The following ATF6B variants were observed in gnomAD, a reference collection of about 807,000 sequenced individuals.
The protein encoded by ATF6B is activating transcription factor 6 beta, also known as cyclic AMP-dependent transcription factor ATF-6 beta.
In ATF6B, 50 loss-of-function variants were observed where a neutral mutation model predicts 83.5. The ratio of observed to expected loss-of-function variants is 0.60; its 90% CI spans 0.48 to 0.76. The LOEUF (loss-of-function observed/expected upper bound fraction) is 0.76. ATF6B is among the 30% of genes least tolerant of loss of function. The pLI, the probability that ATF6B is intolerant of heterozygous loss-of-function variation, is 0.00. For synonymous variants in ATF6B, 344 were observed against 362.8 expected, an observed-to-expected ratio of 0.95 and a Z score of 0.59; for missense variants, 790 against 893.8, an observed-to-expected ratio of 0.88 and a Z score of 1.48.
At position 32,121,024 on chromosome 6, in the gene ATF6B, T is replaced by C; in HGVS notation, c.665A>G (p.Gln222Arg). The C allele has an allele frequency of 6.5e-7, 1 of 1,542,090 alleles. No individual in the cohort carries two copies. The highest frequency in any genetic ancestry group is 1.3e-5 in the South Asian group (1 of 78,060). The part of the protein sequence containing the change: ...DVPAPSLGAV[Q>R]ISMGPSLDGS... ...ATCAAGGGATGGGCCCATGCTGATC[T>C]GGACAGCTCCAAGTGAGGGGGCTGG... The change falls in exon 7 of 18, where the codon CAG (glutamine) becomes CGG (arginine). Residue 222 changes from glutamine to arginine, a missense_variant. Around this residue, in one of 3 missense-constraint regions of ATF6B, gnomAD observed 530 missense variants for 632.6 expected, o/e 0.84. Transcript: ENST00000375203.
chr6:32,118,715 C>T lies in ATF6B; in HGVS notation c.1244+60G>A. 2 of 1,548,692 alleles carry T rather than the reference C, an allele frequency of 1.3e-6. No homozygotes were observed. Among genetic ancestry groups the T allele is most frequent in the Admixed American group, 1.7e-5 (1 of 59,212 alleles). On this transcript the variant is annotated intron_variant, in intron 11 of 17. Coordinates refer to ENST00000375203, the MANE Select transcript of ATF6B (RefSeq NM_004381.5). The surrounding 1 kb of genome is among the most constrained non-coding windows in gnomAD (Gnocchi z 5.2). Reference sequence around the variant, plus strand: ...AAATGGCCTGGGCCAAAGCAGGCAGCTAGGAGGCTGTAACGTGGGCTCCAC... The same window carrying T: ...AAATGGCCTGGGCCAAAGCAGGCAGTTAGGAGGCTGTAACGTGGGCTCCAC...
intron 5 of ATF6B, among the ~76,000 whole-genome samples, chr6:32,123,597 C>A (rs1224582376): frequency 2.6e-5 from 4 of 152,118 alleles, no homozygotes; most frequent in Admixed American, 2.6e-4. Flanking sequence ...ACTGTGTTAG[C>A]CCGAATGGTC....
At chr6:32,128,049 C>T in intron 1 of ATF6B, 68 bp downstream of exon 1, 1 of 1,578,742 alleles carries the variant, frequency 6.3e-7, no homozygotes, top group Non-Finnish European at 8.7e-7. Flanking sequence ...CCTCTTTAGG[C>T]CCCCGCTTCT....
At position 32,127,537 on chromosome 6, in the gene ATF6B, A is replaced by G; in HGVS notation, c.172-17T>C. 1 of 1,612,310 alleles carries G rather than the reference A, an allele frequency of 6.2e-7. No homozygotes were observed. On this transcript the variant is annotated splice_polypyrimidine_tract_variant and intron_variant, in intron 2 of 17. Transcript: ENST00000375203. ...GCCGTCAAACTAAATAAGGGAGGAT[A>G]CAAGAGGGCAGGAGTGTGAGAAAGG...
In ATF6B at chr6:32,116,628, TACTCTACATCCCCCC is replaced by T; in HGVS notation, c.1797+61_1798-65del. 6.2e-7 allele frequency: 1 copy of T among 1,603,820 alleles called. No homozygotes were observed. The highest frequency in any genetic ancestry group is 1.1e-5 in the South Asian group (1 of 90,680). On this transcript the variant is annotated intron_variant, in intron 16 of 17. Transcript: ENST00000375203. This position sits in a 1 kb window ranked among gnomAD's most constrained non-coding sequence, Gnocchi z 5.1. ...AAGATGCCAACAAGCTCCCCAGCCC[TACTCTACATCCCCCC>T]ACTGAAGACAGACTGCTGGGAACCT...
Position 32,119,652 on chromosome 6 carries a change from T to A in ATF6B, c.966+172A>T, listed in dbSNP as rs754877926. Among the ~76,000 whole-genome samples, 1 of 152,070 alleles carries A rather than the reference T, an allele frequency of 6.6e-6. No homozygotes were observed. Among genetic ancestry groups the A allele is most frequent in the Non-Finnish European group, 1.5e-5 (1 of 68,006 alleles). Reference sequence around the variant, plus strand: ...ACCCTAAAACTACCTGGAGTTGATATTCATATAGAAACAGGAGTCCATTCT... The same window carrying A: ...ACCCTAAAACTACCTGGAGTTGATAATCATATAGAAACAGGAGTCCATTCT... On this transcript the variant is annotated intron_variant, in intron 9 of 17. Coordinates refer to ENST00000375203, the MANE Select transcript of ATF6B (RefSeq NM_004381.5). The surrounding 1 kb of genome is among the most constrained non-coding windows in gnomAD (Gnocchi z 4.9).
Position 32,128,102 on chromosome 6 carries a change from T to C in ATF6B, c.91+15A>G. ...GACAGTTTGCCACAGCCCTCTCCCC[T>C]CCCCGGTGCCTCACTCTGCAGACCC... On this transcript the variant is annotated intron_variant, in intron 1 of 17. Coordinates refer to ENST00000375203, the MANE Select transcript of ATF6B (RefSeq NM_004381.5). 1 of 1,611,600 alleles carries C rather than the reference T, an allele frequency of 6.2e-7. No individual in the cohort carries two copies. Among genetic ancestry groups the C allele is most frequent in the Non-Finnish European group, 8.5e-7 (1 of 1,179,698 alleles).
At chr6:32,127,906 C>A in intron 1 of ATF6B, 156 bp from the exon 2 acceptor site, 1 of 1,012,426 alleles carries the variant, frequency 9.9e-7, no homozygotes, top group East Asian at 2.6e-5. Flanking sequence ...GCCCCTCCTT[C>A]CCCGACCCCG....
In ATF6B at chr6:32,123,894, G is replaced by A. The variant is rs547349227; in HGVS notation, c.478+2223C>T. The stretch of plus-strand genomic sequence containing the variant: ...AGAGATGGTGCCAGGAGATCCAGAA[G>A]GTACTTTGAAATCAACAATCAACAT... On this transcript the variant is annotated intron_variant, in intron 5 of 17. Coordinates refer to ENST00000375203, the MANE Select transcript of ATF6B (RefSeq NM_004381.5). Among the ~76,000 whole-genome samples, 17 of 152,194 alleles carry A rather than the reference G, an allele frequency of 1.1e-4. No homozygotes were observed. In the East Asian group the frequency reaches 3.1e-3, roughly 28 times the overall value.
At chr6:32,121,228 G>C (rs1562908268) in intron 6 of ATF6B, 35 bp downstream of exon 6, 10 of 1,612,242 alleles carry the variant, frequency 6.2e-6, no homozygotes, top group Non-Finnish European at 8.5e-6. Flanking sequence ...GAACTCACTG[G>C]AAAACCTGGA....
Position 32,116,439 on chromosome 6 carries a change from C to T in ATF6B, c.1882+41G>A, listed in dbSNP as rs1781531613. The T allele has an allele frequency of 6.3e-7, 1 of 1,579,370 alleles. No homozygotes were observed. The highest frequency in any genetic ancestry group is 8.7e-7 in the Non-Finnish European group (1 of 1,153,748). ...CCCCTCAGCTCCCAGGCTGGATCTCCCTGTTGGAACTGCCCCCATACCCAG... is the reference window on the plus strand; with the variant it reads ...CCCCTCAGCTCCCAGGCTGGATCTCTCTGTTGGAACTGCCCCCATACCCAG... On this transcript the variant is annotated intron_variant, in intron 17 of 17. Transcript: ENST00000375203. The surrounding 1 kb of genome is among the most constrained non-coding windows in gnomAD (Gnocchi z 5.1).
At position 32,120,084 on chromosome 6, in the gene ATF6B, G is replaced by GC. The variant is rs990057903; in HGVS notation, c.833-128dup. The GC allele has an allele frequency of 4.1e-6, 5 of 1,227,854 alleles. No homozygotes were observed. The African/African-American group carries it at 7.8e-5, about 19-fold the overall frequency. The allele number at this position is 1,227,854 out of a possible 1,614,324, so 76.1% of individuals were successfully genotyped here. ...CAAGCTCTCTGACAGGGTCAATGCA[G>GC]CCCGCCTCCTTTTCTCCTTTTTTTC... On this transcript the variant is annotated intron_variant, in intron 8 of 17. Coordinates refer to ENST00000375203, the MANE Select transcript of ATF6B (RefSeq NM_004381.5).
Position 32,117,477 on chromosome 6 carries a change from TGAG to T in ATF6B, c.1533-76_1533-74del, listed in dbSNP as rs758378382. ...CACCCTCCTTGCCCACCCACAGGAG[TGAG>T]GAGAGGGCAGGGAGCACTGGCGCTT... On this transcript the variant is annotated intron_variant, in intron 13 of 17. Coordinates refer to ENST00000375203, the MANE Select transcript of ATF6B (RefSeq NM_004381.5). This position sits in a 1 kb window ranked among gnomAD's most constrained non-coding sequence, Gnocchi z 5.0. 99 of 1,590,834 alleles carry T rather than the reference TGAG, an allele frequency of 6.2e-5. No individual in the cohort carries two copies. Among genetic ancestry groups the T allele is most frequent in the Non-Finnish European group, 8.1e-5 (94 of 1,163,726 alleles).
At chr6:32,127,831 A>G in intron 1 of ATF6B, 81 bp from the exon 2 acceptor site, 6 of 1,472,792 alleles carry the variant, frequency 4.1e-6, no homozygotes, top group Non-Finnish European at 5.7e-6. Context: ...CCCATCCCTC[A>G]TTGGCTCCGC....
intron 5 of ATF6B, among the ~76,000 whole-genome samples, chr6:32,121,666 A>C (rs1781773935): frequency 6.6e-6 from 1 of 152,102 alleles, no homozygotes. Flanking sequence ...GCGCCATTGC[A>C]CTCCAGCCTG....
intron 4 of ATF6B, among the ~76,000 whole-genome samples, chr6:32,126,682 G>A (rs759731524): frequency 2.0e-5 from 3 of 151,976 alleles, no homozygotes; most frequent in African/African-American, 7.3e-5. Flanking sequence ...AACATAGGAA[G>A]ACCCCATTTT....
In ATF6B at chr6:32,126,199, T is replaced by TG; in HGVS notation, c.395dup (p.Leu133ThrfsTer7). The TG allele has an allele frequency of 6.2e-7, 1 of 1,614,160 alleles. No homozygotes were observed. The highest frequency in any genetic ancestry group is 8.5e-7 in the Non-Finnish European group (1 of 1,180,026). On this transcript the variant is annotated frameshift_variant, in exon 5 of 18. Coordinates refer to ENST00000375203, the MANE Select transcript of ATF6B (RefSeq NM_004381.5). LOFTEE classifies it high-confidence loss of function. The stretch of plus-strand genomic sequence containing the variant: ...TTGGGTCATCTCCCAGGAGACACAG[T>TG]GGGGGTGCCAAGGACTCTGTCTTCA...
Position 32,128,192 on chromosome 6 carries a change from G to T in ATF6B, c.16C>A (p.Leu6Met). Residue 6 changes from leucine (L) to methionine (M), a missense_variant, in exon 1 of 18, where the codon CTG becomes ATG. Physicochemically the swap from Leu to Met is conservative, Grantham distance 15. Around this residue, in one of 3 missense-constraint regions of ATF6B, gnomAD observed 253 missense variants for 243.1 expected, o/e 1.04. Transcript: ENST00000375203. MAELM[L>M]LSEIADPTRF... ...GTCGGGTCAGCAATCTCGCTGAGCA[G>T]CATCAGCTCCGCCATCTTTCCCCCC... 1 of 1,612,176 alleles carries T rather than the reference G, an allele frequency of 6.2e-7. No homozygotes were observed. The highest frequency in any genetic ancestry group is 8.5e-7 in the Non-Finnish European group (1 of 1,179,754).
intron 5 of ATF6B, among the ~76,000 whole-genome samples, chr6:32,123,596 G>T (rs1562910945): frequency 1.3e-5 from 2 of 152,126 alleles, no homozygotes. Context: ...CACTGTGTTA[G>T]CCCGAATGGT....
Sources: gnomAD v4.1 joint callset for allele counts (sites outside exome capture counted in the v4.1 genomes callset) on GRCh38, gnomAD v4.1.1 for gene constraint, gnomAD v4.1.1 regional missense constraint, Gnocchi (gnomAD v3.1) non-coding constraint, MANE v1.5 for transcripts, NCBI Gene and HGNC (gene_info 2026-07-23, HGNC 2026-07-21) for gene names.